The following SPAG16 variants were observed in gnomAD, a reference collection of about 807,000 sequenced individuals.
SPAG16 encodes the protein sperm associated antigen 16, also known as sperm-associated antigen 16 protein.
A neutral mutation model predicts 80.4 loss-of-function variants in SPAG16; 86 were observed. That is an observed-to-expected ratio of 1.07 (90% CI 0.90 to 1.28). The LOEUF (loss-of-function observed/expected upper bound fraction) is 1.28, where lower values mean the gene tolerates loss of function less well. Ranked by LOEUF, SPAG16 falls within the 50% of genes most tolerant of loss-of-function variation. The probability of loss-of-function intolerance (pLI) is 0.00; values close to 1 mark genes in which losing one functional copy is unlikely to be tolerated. For missense variants in SPAG16, 870 were observed against 765.3 expected, an observed-to-expected ratio of 1.14 and a Z score of -1.61; for synonymous variants, 294 against 265.9, an observed-to-expected ratio of 1.11 and a Z score of -1.03.
chr2:214,360,820 A>T (rs926596918), intron 15 of SPAG16, among the ~76,000 whole-genome samples: 1 of 151,906 alleles, frequency 6.6e-6, no homozygotes, highest in Non-Finnish European at 1.5e-5. Flanking sequence ...GAGTCCCAAA[A>T]TATATGAGAC....
intron 15 of SPAG16, among the ~76,000 whole-genome samples, chr2:214,293,006 G>T (rs1693907716): frequency 6.6e-6 from 1 of 152,210 alleles, no homozygotes; most frequent in Non-Finnish European, 1.5e-5. Context: ...TGGGGACGAG[G>T]ATGCTGGATA....
intron 15 of SPAG16, among the ~76,000 whole-genome samples, chr2:214,401,039 G>A (rs1445483313): frequency 3.4e-4 from 51 of 151,904 alleles, no homozygotes; most frequent in Admixed American, 2.0e-4. Flanking sequence ...AGTTAAATTC[G>A]CAAGCAATAT....
At chr2:214,042,007 T>TATATATATACACAC (rs1371293247) in intron 13 of SPAG16, among the ~76,000 whole-genome samples, 1 of 101,224 alleles carries the variant, frequency 9.9e-6, no homozygotes, top group South Asian at 3.2e-4. Flanking sequence ...TATATATATA[T>TATATATATACACAC]ACACACACAC....
chr2:214,161,861 TA>T (rs1254168450), intron 15 of SPAG16, among the ~76,000 whole-genome samples: 1 of 152,116 alleles, frequency 6.6e-6, no homozygotes, highest in Non-Finnish European at 1.5e-5. Flanking sequence ...AAAATAAATT[TA>T]AAAAATTTTT....
At chr2:214,308,370 G>A (rs1695066761) in intron 15 of SPAG16, among the ~76,000 whole-genome samples, 1 of 152,056 alleles carries the variant, frequency 6.6e-6, no homozygotes, top group African/African-American at 2.4e-5. Context: ...TTTAATTAGG[G>A]CATTTAGTCC....
chr2:213,674,975 G>A (rs1221788798), intron 10 of SPAG16, among the ~76,000 whole-genome samples: 1 of 149,912 alleles, frequency 6.7e-6, no homozygotes, highest in Non-Finnish European at 1.5e-5. Flanking sequence ...CTTCCACAAT[G>A]GTTGAACTAG....
At chr2:214,142,751 T>C (rs1441688583) in intron 14 of SPAG16, among the ~76,000 whole-genome samples, 1 of 152,144 alleles carries the variant, frequency 6.6e-6, no homozygotes, top group Non-Finnish European at 1.5e-5. Flanking sequence ...TTAACAAAAA[T>C]TGTAGCTTCA....
chr2:214,283,525 T>C (rs936315493), intron 15 of SPAG16, among the ~76,000 whole-genome samples: 1 of 152,086 alleles, frequency 6.6e-6, no homozygotes, highest in African/African-American at 2.4e-5. Flanking sequence ...AATTTACAGA[T>C]GTGGAAACAG....
chr2:213,793,571 C>T (rs777557565), intron 10 of SPAG16, among the ~76,000 whole-genome samples: 12 of 152,150 alleles, frequency 7.9e-5, no homozygotes, highest in African/African-American at 9.7e-5. Context: ...TTGAAAAATA[C>T]TTATGAAAAA....
intron 11 of SPAG16, among the ~76,000 whole-genome samples, chr2:213,867,422 G>A (rs945663957): frequency 2.6e-5 from 4 of 152,142 alleles, no homozygotes; most frequent in African/African-American, 9.7e-5. Context: ...CGAGTGGCTC[G>A]TTTTAGAATG....
intron 15 of SPAG16, among the ~76,000 whole-genome samples, chr2:214,305,172 T>G (rs570413779): frequency 6.6e-6 from 1 of 152,224 alleles, no homozygotes; most frequent in Non-Finnish European, 1.5e-5. Flanking sequence ...CATGTATGTT[T>G]TCTTTTGAAA....
At chr2:213,379,622 T>G (rs1362797137) in intron 9 of SPAG16, among the ~76,000 whole-genome samples, 9 of 152,196 alleles carry the variant, frequency 5.9e-5, no homozygotes, top group Admixed American at 4.6e-4. Context: ...AGTAAGTGTC[T>G]ATTCCAGTAA....
At chr2:213,895,185 T>C (rs544372265) in intron 11 of SPAG16, among the ~76,000 whole-genome samples, 11 of 151,768 alleles carry the variant, frequency 7.2e-5, no homozygotes, top group African/African-American at 2.7e-4. Context: ...TACAATAATA[T>C]AAAATACTTA....
chr2:213,954,248 C>T (rs2044004827), intron 12 of SPAG16, among the ~76,000 whole-genome samples: 1 of 151,702 alleles, frequency 6.6e-6, no homozygotes, highest in Non-Finnish European at 1.5e-5. Flanking sequence ...ATAGATTTGC[C>T]TATTCTGAGC....
intron 10 of SPAG16, among the ~76,000 whole-genome samples, chr2:213,674,981 A>G (rs2063988492): frequency 6.7e-6 from 1 of 149,926 alleles, no homozygotes; most frequent in South Asian, 2.1e-4. Flanking sequence ...CAATGGTTGA[A>G]CTAGTTTACA....
chr2:213,368,096 G>A (rs1271459540), intron 8 of SPAG16, among the ~76,000 whole-genome samples: 1 of 151,702 alleles, frequency 6.6e-6, no homozygotes, highest in Non-Finnish European at 1.5e-5. Flanking sequence ...TCAGATAGTT[G>A]TAGATGTGTG....
chr2:214,236,148 G>C (rs571759250), intron 15 of SPAG16, among the ~76,000 whole-genome samples: 22 of 152,118 alleles, frequency 1.4e-4, no homozygotes, highest in Non-Finnish European at 2.9e-4. Context: ...TCTGAGCTAG[G>C]TGTCTTGCTA....
chr2:213,461,057 AC>A (rs2072329994), intron 9 of SPAG16, among the ~76,000 whole-genome samples: 1 of 152,192 alleles, frequency 6.6e-6, no homozygotes, highest in African/African-American at 2.4e-5. Context: ...CAGGACATTC[AC>A]TTGTGGTAGA....
At chr2:214,002,999 A>G (rs948468385) in intron 12 of SPAG16, among the ~76,000 whole-genome samples, 3 of 152,040 alleles carry the variant, frequency 2.0e-5, no homozygotes, top group Non-Finnish European at 4.4e-5. Context: ...TTGCAAGCCC[A>G]CTCTCAGAAT....
Sources: allele counts gnomAD v4.1 joint callset (sites outside exome capture counted in the v4.1 genomes callset), GRCh38; gene constraint gnomAD v4.1.1; transcripts MANE v1.5; gene names NCBI Gene and HGNC (gene_info 2026-07-23, HGNC 2026-07-21).